Variants in SYNPR observed in about 807,000 individuals in gnomAD.
SYNPR encodes the protein synaptoporin.
Under a neutral mutation model 32.9 loss-of-function variants are expected in SYNPR, and 23 were observed. The ratio of observed to expected loss-of-function variants is 0.70; its 90% CI spans 0.50 to 0.99. The LOEUF is 0.99. Ranked by LOEUF, SYNPR falls within the 50% of genes least tolerant of loss-of-function variation. The pLI is 0.00. For synonymous variants in SYNPR, 146 were observed against 135.9 expected, an observed-to-expected ratio of 1.07 and a Z score of -0.52; for missense variants, 318 against 349.3, an observed-to-expected ratio of 0.91 and a Z score of 0.71.
At chr3:63,485,241 G>A (rs921999094) in intron 3 of SYNPR, among the ~76,000 whole-genome samples, 1 of 152,084 alleles carries the variant, frequency 6.6e-6, no homozygotes, top group African/African-American at 2.4e-5. Context: ...AGGGGTCACT[G>A]AAAGACACCA....
At chr3:63,277,681 G>A (rs1185828984), upstream of SYNPR, among the ~76,000 whole-genome samples, 1 of 152,066 alleles carries the variant, frequency 6.6e-6, no homozygotes, top group Admixed American at 6.6e-5. Context: ...TTCTCTCCAG[G>A]CAGTTTCCTC....
Position 63,610,543 on chromosome 3 carries a change from T to C in SYNPR, c.600+1227T>C, listed in dbSNP as rs1184531110. The C allele has an allele frequency of 8.6e-6, 6 of 696,826 alleles. No homozygotes were observed. The South Asian group carries it at 9.0e-5, about 10-fold the overall frequency. The allele number at this position is 696,826 out of a possible 1,614,324, so 43.2% of individuals were successfully genotyped here. ...GGTTGCTACTCTGACTGGACTGTGA[T>C]TTCTGCTTTGGTGAGATAGTAACCA... On this transcript the variant is annotated intron_variant, in intron 5 of 5. Transcript: ENST00000478300.
intron 2 of SYNPR, among the ~76,000 whole-genome samples, chr3:63,444,939 C>T (rs1700246341): frequency 6.8e-6 from 1 of 146,644 alleles, no homozygotes; most frequent in African/African-American, 2.5e-5. Context: ...TGTATCTTAG[C>T]AGATAATTTG....
At chr3:63,499,921 A>AC (rs1701447064) in intron 3 of SYNPR, among the ~76,000 whole-genome samples, 1 of 151,608 alleles carries the variant, frequency 6.6e-6, no homozygotes, top group Non-Finnish European at 1.5e-5. Context: ...ACACACACAC[A>AC]AAAACTGTTT....
intron 2 of SYNPR, among the ~76,000 whole-genome samples, chr3:63,368,372 G>A (rs1420429624): frequency 1.3e-5 from 2 of 152,150 alleles, no homozygotes; most frequent in Non-Finnish European, 2.9e-5. Context: ...GCGCTAGTTT[G>A]AATGAAAGAG....
intron 3 of SYNPR, among the ~76,000 whole-genome samples, chr3:63,516,834 CT>C (rs1299217828): frequency 6.6e-6 from 1 of 152,064 alleles, no homozygotes; most frequent in Admixed American, 6.5e-5. Flanking sequence ...TAGGAAGCAA[CT>C]TTTCTCTTGC....
At chr3:63,550,750 A>G (rs1702486747) in intron 3 of SYNPR, among the ~76,000 whole-genome samples, 1 of 152,238 alleles carries the variant, frequency 6.6e-6, no homozygotes, top group Admixed American at 6.5e-5. Flanking sequence ...GATAATTGCA[A>G]CAGGTGACAT....
At chr3:63,257,364 G>C (rs1394329236) in intron 2 of SYNPR, among the ~76,000 whole-genome samples, 1 of 152,208 alleles carries the variant, frequency 6.6e-6, no homozygotes, top group Non-Finnish European at 1.5e-5. Flanking sequence ...ACTAACAGCA[G>C]ATATCTCAGC....
chr3:63,522,207 C>CA (rs1219498531), intron 3 of SYNPR, among the ~76,000 whole-genome samples: 2 of 152,010 alleles, frequency 1.3e-5, no homozygotes, highest in African/African-American at 2.4e-5. Context: ...CAATTGCTCT[C>CA]AAAAAAAGGG....
rs1037499864 is a variant in SYNPR at position 63,591,865 on chromosome 3, C to G, written c.409-17260C>G. The stretch of plus-strand genomic sequence containing the variant: ...GAGATATACCTAATGCTAGATGACG[C>G]GTTAGTGGGTGCAGCGCACCAGCAT... On this transcript the variant is annotated intron_variant, in intron 4 of 5. Coordinates refer to ENST00000478300, the MANE Select transcript of SYNPR (RefSeq NM_001130003.2). Among the ~76,000 whole-genome samples the G allele has an allele frequency of 2.1e-5, 3 of 144,816 alleles. No homozygotes were observed. In the East Asian group the frequency reaches 6.2e-4, roughly 30 times the overall value.
the SYNPR span, among the ~76,000 whole-genome samples, chr3:63,222,840 AT>A: frequency 6.6e-6 from 1 of 152,162 alleles, no homozygotes; most frequent in Non-Finnish European, 1.5e-5. Context: ...CATTTTAAAA[AT>A]AAGTGCCAGC....
At chr3:63,407,324 A>G (rs181722989) in intron 2 of SYNPR, among the ~76,000 whole-genome samples, 131 of 152,302 alleles carry the variant, frequency 8.6e-4, no homozygotes, top group African/African-American at 3.1e-3. Flanking sequence ...AAATGCTTGA[A>G]TGAGTGAAGG....
intron 4 of SYNPR, among the ~76,000 whole-genome samples, chr3:63,577,365 G>A (rs1466434345): frequency 6.6e-6 from 1 of 152,102 alleles, no homozygotes; most frequent in East Asian, 1.9e-4. Flanking sequence ...CTGAATTTAG[G>A]GATATTTGGT....
intron 1 of SYNPR, among the ~76,000 whole-genome samples, chr3:63,245,143 C>A (rs1292117541): frequency 6.6e-6 from 1 of 152,016 alleles, no homozygotes; most frequent in Non-Finnish European, 1.5e-5. Context: ...TTATTTTTGA[C>A]CGTGTGAACT....
intron 2 of SYNPR, among the ~76,000 whole-genome samples, chr3:63,362,350 T>C (rs1248389656): frequency 6.6e-6 from 1 of 152,224 alleles, no homozygotes; most frequent in East Asian, 1.9e-4. Context: ...TTCAAGCCTA[T>C]CCTGACCCAA....
chr3:63,511,873 A>C (rs927082296), intron 3 of SYNPR, among the ~76,000 whole-genome samples: 1 of 152,124 alleles, frequency 6.6e-6, no homozygotes, highest in Non-Finnish European at 1.5e-5. Context: ...TCTTTTCTTC[A>C]TTTTAAAGAT....
At chr3:63,462,749 C>T (rs1287309603) in intron 2 of SYNPR, among the ~76,000 whole-genome samples, 2 of 152,124 alleles carry the variant, frequency 1.3e-5, no homozygotes. Flanking sequence ...AAACATTAGA[C>T]TGGAAAATTG....
chr3:63,386,493 C>T (rs975341783), intron 2 of SYNPR, among the ~76,000 whole-genome samples: 1 of 152,174 alleles, frequency 6.6e-6, no homozygotes, highest in Non-Finnish European at 1.5e-5. Flanking sequence ...GTTCCCGAAA[C>T]CTGCTTTGTG....
intron 2 of SYNPR, among the ~76,000 whole-genome samples, chr3:63,453,439 A>C (rs1462696648): frequency 3.9e-5 from 6 of 152,172 alleles, no homozygotes; most frequent in Non-Finnish European, 7.4e-5. Context: ...GTTCAGATTA[A>C]AAGTAGACCT....
Sources: gnomAD v4.1 joint callset for allele counts (sites outside exome capture counted in the v4.1 genomes callset) on GRCh38, gnomAD v4.1.1 for gene constraint, MANE v1.5 for transcripts, NCBI Gene and HGNC (gene_info 2026-07-23, HGNC 2026-07-21) for gene names.